POLR3GL: variants seen among roughly 807,000 people sequenced by gnomAD.
POLR3GL encodes the protein DNA-directed RNA polymerase III subunit RPC7-like.
A neutral mutation model predicts 32.4 loss-of-function variants in POLR3GL; 26 were observed. That is an observed-to-expected ratio of 0.80 (90% CI 0.59 to 1.11). POLR3GL has a LOEUF of 1.11. Among genes scored for constraint, POLR3GL ranks in the 50% most tolerant of loss-of-function variants. The pLI is 0.00. For missense variants in POLR3GL, 229 were observed against 280.1 expected (o/e 0.82, Z 1.30); for synonymous variants, 95 against 98.7 (o/e 0.96, Z 0.22).
At chr1:145,977,374 C>A in intron 4 of POLR3GL, 109 bp from the exon 5 acceptor site, 2 of 1,138,100 alleles carry the variant, frequency 1.8e-6, no homozygotes, top group South Asian at 1.3e-5. Context: ...TTTGGCCCAG[C>A]CCCTTCCTTC....
intron 1 of POLR3GL, among the ~76,000 whole-genome samples, chr1:145,969,081 C>T (rs1650163224): frequency 6.6e-6 from 1 of 151,994 alleles, no homozygotes; most frequent in South Asian, 2.1e-4. Context: ...ATTTAGTATT[C>T]TGTTACGACA....
At position 145,974,893 on chromosome 1, in the gene POLR3GL, C is replaced by T. The variant is rs782207671; in HGVS notation, c.28C>T (p.Arg10Cys). The T allele has an allele frequency of 9.2e-6, 14 of 1,519,944 alleles. No homozygotes were observed. Among genetic ancestry groups the T allele is most frequent in the African/African-American group, 1.4e-5 (1 of 69,274 alleles). 94.2% of individuals were successfully genotyped at this position (1,519,944 alleles called of 1,614,324 possible). ...GGCCAGCCGGGGTGGGGGCCGGGGT[C>T]GTGGCCGGGGCCAGTTGACCTTCAA... The part of the protein sequence containing the change: MASRGGGRG[R>C]GRGQLTFNVE... The change falls in exon 2 of 8, where the codon CGT becomes TGT. Residue 10 changes from arginine to cysteine, a missense_variant. Physicochemically the swap from Arg to Cys is radical, Grantham distance 180. Coordinates refer to ENST00000369314, the MANE Select transcript of POLR3GL (RefSeq NM_032305.3).
rs1187495263 is a variant in POLR3GL, at chr1:145,971,964, C to CAA, written c.-41-2836_-41-2835dup. Among the ~76,000 whole-genome samples, 153 of 45,546 alleles carry CAA rather than the reference C, an allele frequency of 3.4e-3. 1 individual carries two copies. Among genetic ancestry groups the CAA allele is most frequent in the African/African-American group, 4.3e-3 (36 of 8,356 alleles). 29.9% of individuals were successfully genotyped at this position (45,546 alleles called of 152,430 possible). On this transcript the variant is annotated intron_variant, in intron 1 of 7. Transcript: ENST00000369314. ...TGGGTGACAGAGTGAGACTCTGTCTCAAAAAAAAAAAAAAAAAAAAAAAAA... is the reference window on the plus strand; with the variant it reads ...TGGGTGACAGAGTGAGACTCTGTCTCAAAAAAAAAAAAAAAAAAAAAAAAAAA...
chr1:145,965,532 G>A (rs1302391469), intron 1 of POLR3GL, among the ~76,000 whole-genome samples: 2 of 152,136 alleles, frequency 1.3e-5, no homozygotes, highest in Non-Finnish European at 2.9e-5. Flanking sequence ...TAGAAATGAT[G>A]TATTTATTCA....
Sources: allele counts gnomAD v4.1 joint callset (sites outside exome capture counted in the v4.1 genomes callset), GRCh38; gene constraint gnomAD v4.1.1; transcripts MANE v1.5; gene names NCBI Gene and HGNC (gene_info 2026-07-23, HGNC 2026-07-21).